Variants in STMN2 observed in about 807,000 individuals in gnomAD.
STMN2 encodes the protein stathmin 2.
In STMN2, 2 loss-of-function variants were observed where a neutral mutation model predicts 24.1. The ratio of observed to expected loss-of-function variants is 0.08; its 90% CI spans 0.03 to 0.26. STMN2 has a LOEUF of 0.26. Ranked by LOEUF, STMN2 falls within the 10% of genes least tolerant of loss-of-function variation. The pLI is 1.00. For synonymous variants in STMN2, 83 were observed against 77.5 expected (o/e 1.07, Z -0.37); for missense variants, 114 against 213.6 (o/e 0.53, Z 2.91).
intron 3 of STMN2, among the ~76,000 whole-genome samples, chr8:79,647,846 C>T (rs900768599): frequency 6.6e-6 from 1 of 152,208 alleles, no homozygotes; most frequent in Admixed American, 6.5e-5. Context: ...CATAATGCAA[C>T]TGACCCACAA....
intron 3 of STMN2, among the ~76,000 whole-genome samples, chr8:79,643,964 G>GT (rs1810164948): frequency 6.8e-6 from 1 of 146,870 alleles, no homozygotes; most frequent in Non-Finnish European, 1.5e-5. Context: ...AGTTTTTTAT[G>GT]GTTTTTTTTT....
intron 1 of STMN2, among the ~76,000 whole-genome samples, chr8:79,630,546 A>T (rs1485926201): frequency 1.3e-5 from 2 of 152,238 alleles, no homozygotes; most frequent in East Asian, 3.8e-4. Context: ...TGCGATAAAC[A>T]TTCTGCATAG....
chr8:79,624,236 C>T (rs1809589246), intron 1 of STMN2, among the ~76,000 whole-genome samples: 3 of 151,816 alleles, frequency 2.0e-5, no homozygotes, highest in East Asian at 1.9e-4. Context: ...GGGCGGATCA[C>T]GAGGTCAGGA....
At chr8:79,649,291 C>T (rs1047090728) in intron 3 of STMN2, among the ~76,000 whole-genome samples, 1 of 152,072 alleles carries the variant, frequency 6.6e-6, no homozygotes, top group Admixed American at 6.6e-5. Flanking sequence ...CTTCCGTGTG[C>T]TACCTTCTCG....
Position 79,654,864 on chromosome 8 carries a change from TC to T in STMN2, c.289-3del. The T allele has an allele frequency of 1.2e-6, 2 of 1,608,988 alleles. No homozygotes were observed. The highest frequency in any genetic ancestry group is 8.5e-7 in the Non-Finnish European group (1 of 1,176,504). On this transcript the variant is annotated splice_region_variant and splice_polypyrimidine_tract_variant and intron_variant, in intron 3 of 4. Transcript: ENST00000220876. ...AATTATAAGATGGCTATGTTTTTCTTCCCCAGTCTCAGGAGGCCCAGGTGCT... is the reference window on the plus strand; with the variant it reads ...AATTATAAGATGGCTATGTTTTTCTTCCCAGTCTCAGGAGGCCCAGGTGCT...
At chr8:79,628,086 A>G (rs567031817) in intron 1 of STMN2, among the ~76,000 whole-genome samples, 27 of 152,236 alleles carry the variant, frequency 1.8e-4, no homozygotes, top group African/African-American at 5.5e-4. Flanking sequence ...TCTTTTTGAC[A>G]TACTGATTCC....
chr8:79,613,005 C>T (rs1489240220), intron 1 of STMN2, among the ~76,000 whole-genome samples: 4 of 152,192 alleles, frequency 2.6e-5, no homozygotes, highest in African/African-American at 4.8e-5. Context: ...AAAGCTGGCT[C>T]GAGCCCCGCC....
intron 1 of STMN2, among the ~76,000 whole-genome samples, chr8:79,630,085 G>GT (rs1809763800): frequency 6.6e-6 from 1 of 152,150 alleles, no homozygotes; most frequent in African/African-American, 2.4e-5. Flanking sequence ...CTGACTCTGT[G>GT]TCTTCCCAGT....
chr8:79,611,822 G>A, intron 1 of STMN2: 3 of 637,544 alleles, frequency 4.7e-6, no homozygotes, highest in Non-Finnish European at 5.9e-6. Context: ...GTGGGGGTAG[G>A]ACCTCCGCTC....
At chr8:79,613,769 T>C (rs1809309519) in intron 1 of STMN2, 2 of 985,338 alleles carry the variant, frequency 2.0e-6, no homozygotes, top group African/African-American at 1.7e-5. Flanking sequence ...GGTAAATTTG[T>C]CTCCAGTTGT....
chr8:79,654,154 C>T (rs895203060), intron 3 of STMN2, among the ~76,000 whole-genome samples: 1 of 152,102 alleles, frequency 6.6e-6, no homozygotes, highest in African/African-American at 2.4e-5. Context: ...CTGTACAGAG[C>T]CAAACAGACT....
chr8:79,626,354 T>G (rs1476067065), intron 1 of STMN2, among the ~76,000 whole-genome samples: 1 of 152,220 alleles, frequency 6.6e-6, no homozygotes, highest in Non-Finnish European at 1.5e-5. Flanking sequence ...AAGTTTGCCT[T>G]TTGAAGGATA....
At chr8:79,638,062 G>A (rs1466250184) in intron 2 of STMN2, among the ~76,000 whole-genome samples, 1 of 152,228 alleles carries the variant, frequency 6.6e-6, no homozygotes, top group Non-Finnish European at 1.5e-5. Flanking sequence ...CATTCGGTCA[G>A]CAAATAAATT....
intron 1 of STMN2, among the ~76,000 whole-genome samples, chr8:79,633,979 C>A (rs879529514): frequency 6.6e-6 from 1 of 152,106 alleles, no homozygotes; most frequent in African/African-American, 2.4e-5. Context: ...TAAAAATTCA[C>A]GTTCCGATAC....
chr8:79,621,024 G>A lies in STMN2; in HGVS notation c.19+9810G>A, dbSNP rs993225383. On this transcript the variant is annotated intron_variant, in intron 1 of 4. Transcript: ENST00000220876. Reference sequence around the variant, plus strand: ...GCATGTGAGTTACGTCCTCTGTGGAGCTCTGCAACAAGGCGTCAAGAGGTC... The same window carrying A: ...GCATGTGAGTTACGTCCTCTGTGGAACTCTGCAACAAGGCGTCAAGAGGTC... 5 of 985,170 alleles carry A rather than the reference G, an allele frequency of 5.1e-6. No homozygotes were observed. The African/African-American group carries it at 8.7e-5, about 17-fold the overall frequency. 61.0% of individuals were successfully genotyped at this position (985,170 alleles called of 1,614,324 possible). A position where few individuals can be genotyped will look rare whatever the true frequency, so the allele number is the denominator to read the frequency against.
In STMN2 at chr8:79,657,932, A is replaced by T. The variant is rs80239503; in HGVS notation, c.480+2870A>T. 1.9e-3 allele frequency among the ~76,000 whole-genome samples: 286 copies of T among 152,338 alleles called. 2 individuals carry two copies. The highest frequency in any genetic ancestry group is 6.5e-3 in the African/African-American group (272 of 41,574). On this transcript the variant is annotated intron_variant, in intron 4 of 4. Transcript: ENST00000220876. Reference sequence around the variant, plus strand: ...GAAATTTAAAAGAGGGTCAGTAATAACAGTAAAGCCAAAAGGCATGACACT... The same window carrying T: ...GAAATTTAAAAGAGGGTCAGTAATATCAGTAAAGCCAAAAGGCATGACACT...
At chr8:79,662,962 G>GAAAA (rs768217273) in intron 4 of STMN2, among the ~76,000 whole-genome samples, 1 of 152,080 alleles carries the variant, frequency 6.6e-6, no homozygotes. Context: ...ACAAAAAGAA[G>GAAAA]AATCAGCTGC....
rs1275388476 is a variant in STMN2 at position 79,654,922 on chromosome 8, C to A, written c.340C>A (p.Arg114=). The A allele has an allele frequency of 6.2e-7, 1 of 1,613,526 alleles. No homozygotes were observed. Among genetic ancestry groups the A allele is most frequent in the Non-Finnish European group, 8.5e-7 (1 of 1,179,768 alleles). Residue 114 remains arginine (R), a synonymous_variant, in exon 4 of 5, where the codon CGA becomes AGA. Transcript: ENST00000220876. The part of the protein sequence containing the change: ...KQLAEKREHE[R]EVLQKALEEN... The stretch of plus-strand genomic sequence containing the variant: ...ATTGGCAGAGAAGAGGGAACACGAG[C>A]GAGAAGTCCTTCAGAAGGCTTTGGA...
intron 1 of STMN2, among the ~76,000 whole-genome samples, chr8:79,634,763 C>G (rs1303249002): frequency 6.6e-6 from 1 of 152,136 alleles, no homozygotes; most frequent in East Asian, 1.9e-4. Context: ...ATCTGTGGAT[C>G]TAAAGCATCC....
Sources: allele counts gnomAD v4.1 joint callset (sites outside exome capture counted in the v4.1 genomes callset), GRCh38; gene constraint gnomAD v4.1.1; transcripts MANE v1.5; gene names NCBI Gene and HGNC (gene_info 2026-07-23, HGNC 2026-07-21).